SKAP1: variants seen among roughly 807,000 people sequenced by gnomAD.
The protein encoded by SKAP1 is src kinase associated phosphoprotein 1.
Under a neutral mutation model 58.5 loss-of-function variants are expected in SKAP1, and 44 were observed. That is an observed-to-expected ratio of 0.75 (90% CI 0.59 to 0.97). The LOEUF is 0.97. Among genes scored for constraint, SKAP1 ranks in the 50% least tolerant of loss-of-function variants. SKAP1 has a pLI of 0.00. For synonymous variants in SKAP1, 127 were observed against 149.7 expected, an observed-to-expected ratio of 0.85 and a Z score of 1.11; for missense variants, 390 against 435.2, an observed-to-expected ratio of 0.90 and a Z score of 0.92.
At chr17:48,321,443 T>C (rs1248383784) in intron 4 of SKAP1, among the ~76,000 whole-genome samples, 2 of 151,060 alleles carry the variant, frequency 1.3e-5, no homozygotes, top group South Asian at 2.1e-4. Context: ...AGTGGCGCAA[T>C]CTTGGCTCAC....
chr17:48,171,093 G>GT (rs71141969), intron 9 of SKAP1, among the ~76,000 whole-genome samples: 2,761 of 70,246 alleles, frequency 0.039, 300 homozygotes, highest in Middle Eastern at 0.071. Context: ...AATTACTGTT[G>GT]TTTTTTTTTT....
chr17:48,438,452 A>G, the SKAP1 span, among the ~76,000 whole-genome samples: 1 of 152,218 alleles, frequency 6.6e-6, no homozygotes, highest in Admixed American at 6.5e-5. Flanking sequence ...TGGCCAAGAT[A>G]TAGGTATCAT....
chr17:48,178,823 C>T (rs879604419), intron 9 of SKAP1, among the ~76,000 whole-genome samples: 1 of 152,040 alleles, frequency 6.6e-6, no homozygotes, highest in African/African-American at 2.4e-5. Flanking sequence ...ATATCATTTG[C>T]ATAATAAAAC....
rs117219192 is a variant in SKAP1 at position 48,299,714 on chromosome 17, A to G, written c.280+46191T>C. Among the ~76,000 whole-genome samples, 586 of 152,342 alleles carry G rather than the reference A, an allele frequency of 3.8e-3. 1 individual carries two copies. Among genetic ancestry groups the G allele is most frequent in the Non-Finnish European group, 5.6e-3 (379 of 68,028 alleles). On this transcript the variant is annotated intron_variant, in intron 4 of 12. Transcript: ENST00000336915. ...CCAGTGTATGTAATACAATGCAGGT[A>G]AATGGTGGTAGGCAACAGCTATGAT...
At chr17:48,309,580 T>C (rs1236897993) in intron 4 of SKAP1, among the ~76,000 whole-genome samples, 1 of 152,164 alleles carries the variant, frequency 6.6e-6, no homozygotes, top group East Asian at 1.9e-4. Context: ...TATAAATATA[T>C]ACATATGTGT....
chr17:48,268,953 T>TA (rs924954932), intron 4 of SKAP1, among the ~76,000 whole-genome samples: 11 of 152,082 alleles, frequency 7.2e-5, no homozygotes, highest in African/African-American at 2.4e-4. Context: ...TAACGATACT[T>TA]AAAACATTCT....
At chr17:48,294,134 A>AG (rs2065933377) in intron 4 of SKAP1, among the ~76,000 whole-genome samples, 1 of 152,148 alleles carries the variant, frequency 6.6e-6, no homozygotes, top group East Asian at 1.9e-4. Flanking sequence ...ACAAAGCTTC[A>AG]GGGGGCGCCA....
chr17:48,423,005 G>A (rs79672080), intron 1 of SKAP1, among the ~76,000 whole-genome samples: 1,941 of 152,230 alleles, frequency 0.013, 36 homozygotes, highest in African/African-American at 0.043. Context: ...TAAAACAGAT[G>A]GAGCAGAAGC....
At chr17:48,369,483 C>CCT (rs1295487827) in intron 2 of SKAP1, among the ~76,000 whole-genome samples, 1 of 122,370 alleles carries the variant, frequency 8.2e-6, no homozygotes, top group Admixed American at 8.0e-5. Flanking sequence ...AGAGTGAGAC[C>CCT]CTCTCTCAAA....
rs183405667 is a variant in SKAP1 at position 48,288,290 on chromosome 17, C to A, written c.280+57615G>T. Among the ~76,000 whole-genome samples the A allele has an allele frequency of 9.8e-5, 15 of 152,316 alleles. No individual in the cohort carries two copies. In the South Asian group the frequency reaches 2.1e-3, roughly 21 times the overall value. On this transcript the variant is annotated intron_variant, in intron 4 of 12. Transcript: ENST00000336915. ...TTTTTAAATAGCAATAATTCTCTCTCTATAAGAAGTTATATCTTAAGGGTT... is the reference window on the plus strand; with the variant it reads ...TTTTTAAATAGCAATAATTCTCTCTATATAAGAAGTTATATCTTAAGGGTT...
chr17:48,256,367 T>C (rs4794553), intron 4 of SKAP1, among the ~76,000 whole-genome samples: 3,342 of 152,156 alleles, frequency 0.022, 116 homozygotes, highest in African/African-American at 0.074. Context: ...AAAATAACTA[T>C]TAATAAAAAT....
chr17:48,410,934 CAAAAAAAAA>C (rs61705374), intron 1 of SKAP1, among the ~76,000 whole-genome samples: 4 of 66,972 alleles, frequency 6.0e-5, no homozygotes, highest in African/African-American at 2.2e-4. Context: ...GACTCCATTT[CAAAAAAAAA>C]AAAAAAAAAA....
intron 4 of SKAP1, among the ~76,000 whole-genome samples, chr17:48,227,700 G>T (rs1035366517): frequency 2.0e-4 from 31 of 152,122 alleles, no homozygotes; most frequent in Non-Finnish European, 7.4e-5. Context: ...TATTTTTATT[G>T]TGGGGTCTGA....
upstream of SKAP1, among the ~76,000 whole-genome samples, chr17:48,434,058 G>A (rs1279526931): frequency 6.6e-6 from 1 of 152,212 alleles, no homozygotes; most frequent in Non-Finnish European, 1.5e-5. Flanking sequence ...GCTTTATTCT[G>A]AGCTGGTTAT....
intron 4 of SKAP1, among the ~76,000 whole-genome samples, chr17:48,302,312 A>AT (rs67046133): frequency 2.1e-4 from 31 of 151,062 alleles, no homozygotes; most frequent in African/African-American, 2.7e-4. Context: ...AATAAATATG[A>AT]TTTTTTTTTT....
At chr17:48,209,932 G>A (rs1410033165) in intron 4 of SKAP1, among the ~76,000 whole-genome samples, 1 of 152,108 alleles carries the variant, frequency 6.6e-6, no homozygotes, top group Non-Finnish European at 1.5e-5. Flanking sequence ...CCATCATTTG[G>A]GGCCCATTCC....
intron 4 of SKAP1, among the ~76,000 whole-genome samples, chr17:48,247,352 G>T (rs962104689): frequency 1.3e-5 from 2 of 152,188 alleles, no homozygotes; most frequent in Non-Finnish European, 2.9e-5. Flanking sequence ...GATTCAGGGA[G>T]GCTAAAGAAG....
chr17:48,178,250 G>GC (rs2064318369), intron 9 of SKAP1, among the ~76,000 whole-genome samples: 3 of 151,412 alleles, frequency 2.0e-5, no homozygotes, highest in Admixed American at 2.0e-4. Context: ...ATCAGCCCCC[G>GC]CCCCCCGACT....
chr17:48,279,603 G>T (rs1016393986), intron 4 of SKAP1, among the ~76,000 whole-genome samples: 1 of 152,238 alleles, frequency 6.6e-6, no homozygotes, highest in African/African-American at 2.4e-5. Flanking sequence ...GGAAAAAAAT[G>T]AATTTTTTTC....
Sources: allele counts gnomAD v4.1 joint callset (sites outside exome capture counted in the v4.1 genomes callset), GRCh38; gene constraint gnomAD v4.1.1; transcripts MANE v1.5; gene names NCBI Gene and HGNC (gene_info 2026-07-23, HGNC 2026-07-21).